The following SNX4 variants were observed in gnomAD, a reference collection of about 807,000 sequenced individuals.
The protein encoded by SNX4 is sorting nexin-4.
SNX4 carries 49 observed loss-of-function variants against 70.8 expected under a neutral mutation model. The ratio of observed to expected loss-of-function variants is 0.69; its 90% CI spans 0.55 to 0.88. The LOEUF (loss-of-function observed/expected upper bound fraction) is 0.88. SNX4 is among the 40% of genes least tolerant of loss of function. SNX4 has a pLI of 0.00. For missense variants in SNX4, 528 were observed against 544.8 expected (o/e 0.97, Z 0.31); for synonymous variants, 206 against 183.8 (o/e 1.12, Z -0.98).
At chr3:125,496,445 T>C (rs1046849583) in intron 5 of SNX4, among the ~76,000 whole-genome samples, 5 of 152,232 alleles carry the variant, frequency 3.3e-5, no homozygotes, top group Admixed American at 6.5e-5. Flanking sequence ...TGGGAAGTGT[T>C]TTTTAAATTA....
intron 12 of SNX4, among the ~76,000 whole-genome samples, chr3:125,452,044 T>C (rs1459027342): frequency 6.6e-6 from 1 of 152,110 alleles, no homozygotes; most frequent in Non-Finnish European, 1.5e-5. Context: ...ATGAAGTAAG[T>C]GCCTTCCAGG....
At chr3:125,470,737 A>G (rs952320342) in intron 8 of SNX4, among the ~76,000 whole-genome samples, 1 of 152,222 alleles carries the variant, frequency 6.6e-6, no homozygotes, top group Non-Finnish European at 1.5e-5. Flanking sequence ...TAAATTTAGT[A>G]ACCCAGTCTG....
chr3:125,449,304 C>G (rs1333370218), intron 13 of SNX4: 1 of 151,842 alleles, frequency 6.6e-6, no homozygotes, highest in South Asian at 2.1e-4. Context: ...CACCTGTAAT[C>G]CCATCTACTC....
In SNX4 at chr3:125,453,864, T is replaced by C; in HGVS notation, c.1136A>G (p.Glu379Gly). 6.2e-7 allele frequency: 1 copy of C among 1,614,092 alleles called. No individual in the cohort carries two copies. Among genetic ancestry groups the C allele is most frequent in the Non-Finnish European group, 8.5e-7 (1 of 1,179,970 alleles). The change falls in exon 12 of 14, where the codon GAA becomes GGA. Residue 379 changes from glutamate to glycine, a missense_variant. Around this residue, in one of 3 missense-constraint regions of SNX4, gnomAD observed 159 missense variants for 172.6 expected, o/e 0.92. Coordinates refer to ENST00000251775, the MANE Select transcript of SNX4 (RefSeq NM_003794.4). Reference protein sequence around the residue: ...EQREARIKVLEEQINEGEQQL... With the variant: ...EQREARIKVLGEQINEGEQQL... ...TTGTTCTCCTTCATTTATTTGTTCTTCTAGCACCTTTATTCTGGCTTCTCT... is the reference window on the plus strand; with the variant it reads ...TTGTTCTCCTTCATTTATTTGTTCTCCTAGCACCTTTATTCTGGCTTCTCT...
chr3:125,462,276 C>T lies in SNX4; in HGVS notation c.855-1416G>A, dbSNP rs148725455. 4.6e-3 allele frequency among the ~76,000 whole-genome samples: 694 copies of T among 152,026 alleles called. 3 individuals carry two copies. The highest frequency in any genetic ancestry group is 0.016 in the African/African-American group (649 of 41,454). ...CTATTTGTTGAGCATCTACAATGTG[C>T]CAATTGATAGGCTGACTGTGACAAA... On this transcript the variant is annotated intron_variant, in intron 9 of 13. Coordinates refer to ENST00000251775, the MANE Select transcript of SNX4 (RefSeq NM_003794.4).
intron 13 of SNX4, among the ~76,000 whole-genome samples, chr3:125,448,165 C>A (rs1280441839): frequency 6.6e-6 from 1 of 151,342 alleles, no homozygotes; most frequent in African/African-American, 2.4e-5. Flanking sequence ...TAGGGTCTCA[C>A]TCTGTTACCC....
At chr3:125,515,280 A>C (rs1332421643) in intron 1 of SNX4, among the ~76,000 whole-genome samples, 1 of 151,942 alleles carries the variant, frequency 6.6e-6, no homozygotes, top group Non-Finnish European at 1.5e-5. Context: ...TGAACCCGGG[A>C]GATGAAGGCT....
At chr3:125,457,716 T>C (rs1342943781) in intron 10 of SNX4, among the ~76,000 whole-genome samples, 1 of 151,906 alleles carries the variant, frequency 6.6e-6, no homozygotes, top group African/African-American at 2.4e-5. Flanking sequence ...TAGATGGGAT[T>C]ACAGGCATGC....
chr3:125,475,882 G>A (rs1934278980), intron 8 of SNX4, among the ~76,000 whole-genome samples: 1 of 152,068 alleles, frequency 6.6e-6, no homozygotes, highest in African/African-American at 2.4e-5. Flanking sequence ...GGAGGCTGAA[G>A]CAGGAGGATC....
intron 5 of SNX4, among the ~76,000 whole-genome samples, chr3:125,492,652 C>T (rs1043765811): frequency 6.6e-6 from 1 of 152,248 alleles, no homozygotes; most frequent in East Asian, 1.9e-4. Flanking sequence ...TTTAAAGTAT[C>T]TTATTTTTTA....
At chr3:125,497,074 C>T (rs1409377388) in intron 5 of SNX4, among the ~76,000 whole-genome samples, 1 of 141,222 alleles carries the variant, frequency 7.1e-6, no homozygotes, top group Non-Finnish European at 1.5e-5. Flanking sequence ...ACTATAAACA[C>T]TAACTAAAAA....
intron 5 of SNX4, among the ~76,000 whole-genome samples, chr3:125,493,672 G>GA (rs1934712549): frequency 1.4e-5 from 2 of 144,488 alleles, no homozygotes; most frequent in Non-Finnish European, 3.0e-5. Flanking sequence ...AAAAAAGAAA[G>GA]AAAAAAAGAA....
chr3:125,519,390 AAC>A (rs1935348341), intron 1 of SNX4, among the ~76,000 whole-genome samples: 1 of 152,154 alleles, frequency 6.6e-6, no homozygotes, highest in Non-Finnish European at 1.5e-5. Flanking sequence ...TCCAATGGGA[AAC>A]ACAGCACTTC....
intron 12 of SNX4, among the ~76,000 whole-genome samples, chr3:125,451,649 CAG>C (rs1579969242): frequency 6.6e-6 from 1 of 151,612 alleles, no homozygotes; most frequent in East Asian, 1.9e-4. Flanking sequence ...TTTTTTGAGA[CAG>C]AGTCTCACTC....
In SNX4 at chr3:125,504,658, C is replaced by A. The variant is rs150591161; in HGVS notation, c.228G>T (p.Met76Ile). Reference protein sequence around the residue: ...EKRTGRNAMNMQETYTAYLIE... With the variant: ...EKRTGRNAMNIQETYTAYLIE... ...TGAGGTAAGCAGTATATGTTTCTTGCATGTTCATGGCATTTCTTCCAGTTC... is the reference window on the plus strand; with the variant it reads ...TGAGGTAAGCAGTATATGTTTCTTGAATGTTCATGGCATTTCTTCCAGTTC... Residue 76 changes from methionine to isoleucine, a missense_variant, in exon 2 of 14, where the codon ATG becomes ATT. This residue lies in a region of SNX4 where 341 missense variants were observed against 312.2 expected (regional missense o/e 1.09). Transcript: ENST00000251775. 4 of 1,613,868 alleles carry A rather than the reference C, an allele frequency of 2.5e-6. No individual in the cohort carries two copies. The highest frequency in any genetic ancestry group is 1.6e-4 in the Middle Eastern group (1 of 6,084).
chr3:125,499,705 A>G (rs1934881809), intron 2 of SNX4, among the ~76,000 whole-genome samples: 1 of 152,018 alleles, frequency 6.6e-6, no homozygotes, highest in African/African-American at 2.4e-5. Context: ...ATAAGTGGAT[A>G]AATAAAGCCT....
rs536853426 is a variant in SNX4, at chr3:125,483,141, T to C, written c.654-2822A>G. 2.3e-3 allele frequency among the ~76,000 whole-genome samples: 337 copies of C among 148,980 alleles called. 1 individual carries two copies. The highest frequency in any genetic ancestry group is 8.0e-3 in the African/African-American group (328 of 41,008). On this transcript the variant is annotated intron_variant, in intron 6 of 13. Transcript: ENST00000251775. Reference sequence around the variant, plus strand: ...AAACATTTAAATAAAATTAAATTTATATATAAATATATATAAATATGTATT... The same window carrying C: ...AAACATTTAAATAAAATTAAATTTACATATAAATATATATAAATATGTATT...
intron 6 of SNX4, among the ~76,000 whole-genome samples, chr3:125,484,920 G>C (rs1225040079): frequency 6.6e-6 from 1 of 152,080 alleles, no homozygotes; most frequent in Non-Finnish European, 1.5e-5. Flanking sequence ...ACAAAAATTA[G>C]CTGGGCGTGG....
chr3:125,447,950 A>G, intron 13 of SNX4, 124 bp from the exon 14 acceptor site: 1 of 583,050 alleles, frequency 1.7e-6, no homozygotes, highest in Admixed American at 3.5e-5. Flanking sequence ...AAAATATGAC[A>G]CTATTTTGGG....
Sources: gnomAD v4.1 joint callset for allele counts (sites outside exome capture counted in the v4.1 genomes callset) on GRCh38, gnomAD v4.1.1 for gene constraint, gnomAD v4.1.1 regional missense constraint, MANE v1.5 for transcripts, NCBI Gene and HGNC (gene_info 2026-07-23, HGNC 2026-07-21) for gene names.